The following LGALS8 variants were observed in gnomAD, a reference collection of about 807,000 sequenced individuals.
LGALS8 encodes galectin-8.
A neutral mutation model predicts 35.9 loss-of-function variants in LGALS8; 30 were observed. The ratio of observed to expected loss-of-function variants is 0.83; its 90% CI spans 0.62 to 1.13. The LOEUF is 1.13. LGALS8 is among the 50% of genes most tolerant of loss of function. LGALS8 has a pLI of 0.00. For synonymous variants in LGALS8, 138 were observed against 136.1 expected (o/e 1.01, Z -0.10); for missense variants, 366 against 388.7 (o/e 0.94, Z 0.49).
intron 5 of LGALS8, chr1:236,541,386 A>ATAC: frequency 3.2e-6 from 1 of 316,938 alleles, no homozygotes; most frequent in Admixed American, 5.2e-5. Flanking sequence ...ATTTTGATAG[A>ATAC]TACTAACTCG....
Position 236,537,537 on chromosome 1 carries a change from C to T in LGALS8, c.86C>T (p.Pro29Leu). 2.5e-6 allele frequency: 4 copies of T among 1,606,830 alleles called. No individual in the cohort carries two copies. The highest frequency in any genetic ancestry group is 2.6e-6 in the Non-Finnish European group (3 of 1,173,140). The change falls in exon 3 of 10, where the codon CCT becomes CTT. Residue 29 changes from proline (P) to leucine (L), a missense_variant. Coordinates refer to ENST00000366584, the MANE Select transcript of LGALS8 (RefSeq NM_201544.4). ...FVGTIPDQLD[P>L]GTLIVIRGHV... ...GGCACCATTCCTGATCAGCTGGATC[C>T]TGGAACTTTGATTGTGATACGTGGG...
At position 236,550,826 on chromosome 1, in the gene LGALS8, G is replaced by T; in HGVS notation, c.*2665G>T. Reference sequence around the variant, plus strand: ...GTATTAAGGCACCAAAAGTAACATGGCACCCAACACCCAAAAATAAAAATA... The same window carrying T: ...GTATTAAGGCACCAAAAGTAACATGTCACCCAACACCCAAAAATAAAAATA... On this transcript the variant is annotated 3_prime_UTR_variant, in exon 10 of 10. Transcript: ENST00000366584. 8.9e-7 allele frequency: 1 copy of T among 1,122,750 alleles called. No individual in the cohort carries two copies. Among genetic ancestry groups the T allele is most frequent in the Non-Finnish European group, 1.3e-6 (1 of 775,032 alleles). 69.5% of individuals were successfully genotyped at this position (1,122,750 alleles called of 1,614,324 possible).
At chr1:236,528,395 C>CG (rs1371583380) in intron 2 of LGALS8, among the ~76,000 whole-genome samples, 8 of 22,050 alleles carry the variant, frequency 3.6e-4, no homozygotes, top group Admixed American at 6.7e-4. Context: ...AAAAAAAAAA[C>CG]CCCCCCACAC....
At chr1:236,521,844 A>AG (rs1660559702), upstream of LGALS8, among the ~76,000 whole-genome samples, 4 of 150,602 alleles carry the variant, frequency 2.7e-5, no homozygotes, top group South Asian at 8.4e-4. Flanking sequence ...AAAAAAAAAA[A>AG]GTAGGTTTTA....
chr1:236,538,364 G>A (rs1014161982), intron 3 of LGALS8, among the ~76,000 whole-genome samples: 2 of 152,144 alleles, frequency 1.3e-5, no homozygotes, highest in Admixed American at 6.5e-5. Context: ...CCTTCAAGTC[G>A]TTAGAGAAGT....
At chr1:236,524,523 C>G (rs772626191) in intron 1 of LGALS8, 1 of 430,272 alleles carries the variant, frequency 2.3e-6, no homozygotes, top group South Asian at 1.6e-5. Flanking sequence ...CTAACACGCT[C>G]TTTAGGATGC....
chr1:236,548,004 C>A lies in LGALS8; in HGVS notation c.805-8C>A, dbSNP rs747237426. On this transcript the variant is annotated splice_polypyrimidine_tract_variant and splice_region_variant and intron_variant, in intron 9 of 9. Transcript: ENST00000366584. ...GAACCACTAATGGCATGTATCCTTT[C>A]CTTTCAGATGATAATTTATTGTGAT... 5.0e-6 allele frequency: 8 copies of A among 1,608,472 alleles called. No homozygotes were observed. The East Asian group carries it at 1.8e-4, about 36-fold the overall frequency.
At position 236,550,895 on chromosome 1, in the gene LGALS8, G is replaced by GA; in HGVS notation, c.*2737dup. On this transcript the variant is annotated 3_prime_UTR_variant, in exon 10 of 10. Transcript: ENST00000366584. ...TCTGAGTAGAGTATGAAACACCACA[G>GA]AAAGTCTTAGAAATAGCTCTGGAGT... The GA allele has an allele frequency of 6.3e-7, 1 of 1,585,490 alleles. No homozygotes were observed.
At chr1:236,530,178 T>A (rs1044227321) in intron 2 of LGALS8, among the ~76,000 whole-genome samples, 3 of 152,242 alleles carry the variant, frequency 2.0e-5, no homozygotes, top group Non-Finnish European at 2.9e-5. Context: ...AGTTAATAAG[T>A]TGCTTGTCAA....
chr1:236,539,029 G>A lies in LGALS8; in HGVS notation c.285G>A (p.Thr95=), dbSNP rs146419217. The A allele has an allele frequency of 4.8e-5, 77 of 1,614,124 alleles. No individual in the cohort carries two copies. The African/African-American group carries it at 6.8e-4, about 14-fold the overall frequency. The change falls in exon 4 of 10, where the codon ACG becomes ACA. Residue 95 remains threonine (T), a synonymous_variant. Coordinates refer to ENST00000366584, the MANE Select transcript of LGALS8 (RefSeq NM_201544.4). ...GACGGGAAGAGATCACCTATGACAC[G>A]CCTTTCAAAAGAGAAAAGTCTTTTG... ...KWGREEITYD[T]PFKREKSFEI...
chr1:236,527,893 G>A (rs1382776251), intron 2 of LGALS8, among the ~76,000 whole-genome samples: 1 of 151,874 alleles, frequency 6.6e-6, no homozygotes, highest in Non-Finnish European at 1.5e-5. Context: ...GTGCTACCAT[G>A]CCCGGCTAAT....
rs1662548456 is a variant in LGALS8 at position 236,548,445 on chromosome 1, G to A, written c.*284G>A. 1 of 431,432 alleles carries A rather than the reference G, an allele frequency of 2.3e-6. No individual in the cohort carries two copies. The highest frequency in any genetic ancestry group is 4.2e-6 in the Non-Finnish European group (1 of 237,734). 26.7% of individuals were successfully genotyped at this position (431,432 alleles called of 1,614,324 possible). A position where few individuals can be genotyped will look rare whatever the true frequency, so the allele number is the denominator to read the frequency against. ...GAATGCCATTCAACAAGTATTTATG[G>A]AGTACCTACTATAATACAGTAGCTA... is the stretch of plus-strand genomic sequence containing the variant. On this transcript the variant is annotated 3_prime_UTR_variant, in exon 10 of 10. Transcript: ENST00000366584.
chr1:236,518,398 T>G (rs1660459458), intron 1 of LGALS8: 1 of 152,108 alleles, frequency 6.6e-6, no homozygotes, highest in Non-Finnish European at 1.5e-5. Context: ...AGCAAGAGGA[T>G]TCAAAGGAGA....
At chr1:236,520,789 T>C (rs562687242), upstream of LGALS8, among the ~76,000 whole-genome samples, 2 of 152,356 alleles carry the variant, frequency 1.3e-5, no homozygotes, top group African/African-American at 4.8e-5. Context: ...AATCTCATGA[T>C]GTCATATCAT....
chr1:236,532,574 G>C (rs1478122411), intron 2 of LGALS8, among the ~76,000 whole-genome samples: 1 of 152,128 alleles, frequency 6.6e-6, no homozygotes, highest in Non-Finnish European at 1.5e-5. Context: ...AGGCGCGGTG[G>C]CTCACACCTG....
At chr1:236,523,716 A>T, upstream of LGALS8, 1 of 247,508 alleles carries the variant, frequency 4.0e-6, no homozygotes, top group Non-Finnish European at 8.1e-6. Flanking sequence ...AGCCAGATCC[A>T]CCCAGGACAC....
chr1:236,540,643 G>A lies in LGALS8; in HGVS notation c.425G>A (p.Gly142Asp), dbSNP rs752751154. 3 of 1,611,468 alleles carry A rather than the reference G, an allele frequency of 1.9e-6. No homozygotes were observed. The highest frequency in any genetic ancestry group is 3.3e-4 in the Middle Eastern group (2 of 6,050). ...AAAATAGACACTCTGGGCATTTATG[G>A]CAAAGTGAATATTCACTCAATTGGT... The part of the protein sequence containing the change: ...PEKIDTLGIY[G>D]KVNIHSIGFS... Residue 142 changes from glycine (G) to aspartate (D), a missense_variant, in exon 5 of 10, where the codon GGC becomes GAC. Gly to Asp is a moderately conservative substitution (Grantham distance 94, BLOSUM62 -1). Transcript: ENST00000366584.
rs746270492 is a variant in LGALS8 at position 236,541,653 on chromosome 1, G to A, written c.466-1G>A. Reference sequence around the variant, plus strand: ...AATTAATCTTTATTATCTTTTCTCAGGACTTACAAAGTACCCAAGCATCTA... The same window carrying A: ...AATTAATCTTTATTATCTTTTCTCAAGACTTACAAAGTACCCAAGCATCTA... On this transcript the variant is annotated splice_acceptor_variant, in intron 5 of 9. Coordinates refer to ENST00000366584, the MANE Select transcript of LGALS8 (RefSeq NM_201544.4). LOFTEE classifies it high-confidence loss of function. The A allele has an allele frequency of 6.8e-7, 1 of 1,468,138 alleles. No homozygotes were observed. The highest frequency in any genetic ancestry group is 1.3e-5 in the South Asian group (1 of 78,152). The allele number at this position is 1,468,138 out of a possible 1,614,324, so 90.9% of individuals were successfully genotyped here.
intron 5 of LGALS8, chr1:236,541,420 T>C: frequency 2.6e-6 from 1 of 390,192 alleles, no homozygotes; most frequent in South Asian, 6.0e-5. Context: ...TAAAAACAGT[T>C]TGCACTCTCA....
Sources: gnomAD v4.1 joint callset for allele counts (sites outside exome capture counted in the v4.1 genomes callset) on GRCh38, gnomAD v4.1.1 for gene constraint, MANE v1.5 for transcripts, NCBI Gene and HGNC (gene_info 2026-07-23, HGNC 2026-07-21) for gene names.